WWP2: variants seen among roughly 807,000 people sequenced by gnomAD.
The protein encoded by WWP2 is WW domain containing E3 ubiquitin protein ligase 2.
In WWP2, 57 loss-of-function variants were observed where a neutral mutation model predicts 121.0. The observed-to-expected ratio is 0.47, with a 90% CI of 0.38 to 0.59. The LOEUF is 0.59. Among genes scored for constraint, WWP2 ranks in the 20% least tolerant of loss-of-function variants. The pLI, the probability that WWP2 is intolerant of heterozygous loss-of-function variation, is 0.00. For missense variants in WWP2, 962 were observed against 1,158.9 expected (o/e 0.83, Z 2.47); for synonymous variants, 449 against 441.3 (o/e 1.02, Z -0.22).
chr16:69,898,425 C>G (rs1282890087), intron 8 of WWP2, among the ~76,000 whole-genome samples: 1 of 152,148 alleles, frequency 6.6e-6, no homozygotes, highest in African/African-American at 2.4e-5. Context: ...GCCTGAGTCA[C>G]CTAACCAATT....
intron 6 of WWP2, among the ~76,000 whole-genome samples, chr16:69,865,292 C>T (rs1418300067): frequency 3.9e-5 from 6 of 152,202 alleles, no homozygotes; most frequent in Admixed American, 2.0e-4. Flanking sequence ...TCAGGTGATC[C>T]GCCTGCCTCA....
At chr16:69,797,904 A>G (rs1455441535) in intron 2 of WWP2, among the ~76,000 whole-genome samples, 1 of 148,270 alleles carries the variant, frequency 6.7e-6, no homozygotes, top group African/African-American at 2.5e-5. Context: ...AAAAAAAAAA[A>G]TTATAAATTT....
rs138285985 is a variant in WWP2, at chr16:69,842,078, G to A, written c.533G>A (p.Arg178Gln). Residue 178 changes from arginine (R) to glutamine (Q), a missense_variant, in exon 6 of 24, where the codon CGG becomes CAG. Around this residue, in one of 3 missense-constraint regions of WWP2, gnomAD observed 211 missense variants for 196.5 expected, o/e 1.07. Coordinates refer to ENST00000359154, the MANE Select transcript of WWP2 (RefSeq NM_001270454.2). ...SSGTAVAPEN[R>Q]HQPPSTNCFG... ...GGAACAGCAGTAGCTCCAGAGAACC[G>A]GCACCAGCCCCCCAGCACAAACTGC... 366 of 1,613,444 alleles carry A rather than the reference G, an allele frequency of 2.3e-4. 1 individual carries two copies. In the African/African-American group the frequency reaches 2.9e-3, roughly 13 times the overall value.
rs537628040 is a variant in WWP2, at chr16:69,941,116, A to C, written c.*1176A>C. The stretch of plus-strand genomic sequence containing the variant: ...CTGCACACAGGACATGAAAACCAGC[A>C]GAAAGGCCCTGAGCTGCTGCATAGC... On this transcript the variant is annotated 3_prime_UTR_variant, in exon 24 of 24. Coordinates refer to ENST00000359154, the MANE Select transcript of WWP2 (RefSeq NM_001270454.2). The C allele has an allele frequency of 1.3e-5, 2 of 152,468 alleles. No individual in the cohort carries two copies. The highest frequency in any genetic ancestry group is 4.8e-5 in the African/African-American group (2 of 41,584). The allele number at this position is 152,468 out of a possible 1,614,324, so 9.4% of individuals were successfully genotyped here.
Position 69,937,506 on chromosome 16 carries a change from G to A in WWP2, c.2239-42G>A, listed in dbSNP as rs539232301. The A allele has an allele frequency of 1.1e-5, 17 of 1,603,616 alleles. No homozygotes were observed. In the South Asian group the frequency reaches 1.9e-4, roughly 18 times the overall value. On this transcript the variant is annotated intron_variant, in intron 20 of 23. Transcript: ENST00000359154. The surrounding 1 kb of genome is among the most constrained non-coding windows in gnomAD (Gnocchi z 6.6). The stretch of plus-strand genomic sequence containing the variant: ...AGTGCTAGCGAGTGGACGATGCGCG[G>A]GGAGGGACCTGCCGGGGATGCTGAC...
intron 6 of WWP2, among the ~76,000 whole-genome samples, chr16:69,858,417 C>T (rs1369414339): frequency 6.6e-6 from 1 of 152,130 alleles, no homozygotes; most frequent in East Asian, 1.9e-4. Context: ...GCTCTTCATT[C>T]GCCAAAACTT....
intron 6 of WWP2, among the ~76,000 whole-genome samples, chr16:69,870,078 A>G (rs945444233): frequency 1.3e-5 from 2 of 152,194 alleles, no homozygotes; most frequent in East Asian, 3.9e-4. Flanking sequence ...CCTGTACATG[A>G]ATCTTTGCAT....
intron 4 of WWP2, among the ~76,000 whole-genome samples, chr16:69,807,462 TA>T (rs918808449): frequency 6.6e-6 from 1 of 151,654 alleles, no homozygotes; most frequent in African/African-American, 2.4e-5. Flanking sequence ...TACAAAGATT[TA>T]AAAAAATTAG....
At chr16:69,906,231 C>T (rs2058290094) in intron 8 of WWP2, among the ~76,000 whole-genome samples, 1 of 152,062 alleles carries the variant, frequency 6.6e-6, no homozygotes, top group African/African-American at 2.4e-5. Context: ...TGCCACCATG[C>T]CCAGCTATTT....
intron 8 of WWP2, among the ~76,000 whole-genome samples, chr16:69,893,879 C>T (rs2058067898): frequency 6.6e-6 from 1 of 152,066 alleles, no homozygotes; most frequent in Non-Finnish European, 1.5e-5. Flanking sequence ...AAGGATCGCT[C>T]TTCCTGCACT....
chr16:69,864,725 T>A (rs1567390270), intron 6 of WWP2, among the ~76,000 whole-genome samples: 1 of 130,096 alleles, frequency 7.7e-6, no homozygotes, highest in African/African-American at 3.1e-5. Context: ...AATTTTTGCA[T>A]TTTTTTTTTT....
rs573759284 is a variant in WWP2 at position 69,880,809 on chromosome 16, G to T, written c.704-7230G>T. Among the ~76,000 whole-genome samples, 27 of 152,288 alleles carry T rather than the reference G, an allele frequency of 1.8e-4. No individual in the cohort carries two copies. In the South Asian group the frequency reaches 5.2e-3, roughly 29 times the overall value. On this transcript the variant is annotated intron_variant, in intron 7 of 23. Coordinates refer to ENST00000359154, the MANE Select transcript of WWP2 (RefSeq NM_001270454.2). ...ACATGTTACGAGCTGATCTTCAGTA[G>T]AAAGAACTTCTGTTGTTATTGGTGC...
Position 69,925,599 on chromosome 16 carries a change from C to G in WWP2, c.1234+115C>G. On this transcript the variant is annotated intron_variant, in intron 11 of 23. Coordinates refer to ENST00000359154, the MANE Select transcript of WWP2 (RefSeq NM_001270454.2). The surrounding 1 kb of genome is among the most constrained non-coding windows in gnomAD (Gnocchi z 4.0). Reference sequence around the variant, plus strand: ...TGTCCCTCTGTTTTCCATCTCTCCCCTCTCCAGCACACTCTCTGGGCATGC... The same window carrying G: ...TGTCCCTCTGTTTTCCATCTCTCCCGTCTCCAGCACACTCTCTGGGCATGC... 6 of 1,339,144 alleles carry G rather than the reference C, an allele frequency of 4.5e-6. No homozygotes were observed. The highest frequency in any genetic ancestry group is 5.1e-6 in the Non-Finnish European group (5 of 981,184). 83.0% of individuals were successfully genotyped at this position (1,339,144 alleles called of 1,614,324 possible). A position where few individuals can be genotyped will look rare whatever the true frequency, so the allele number is the denominator to read the frequency against.
intron 6 of WWP2, among the ~76,000 whole-genome samples, chr16:69,846,729 A>G (rs2057087903): frequency 6.6e-6 from 1 of 151,912 alleles, no homozygotes; most frequent in Non-Finnish European, 1.5e-5. Context: ...CAAGAAAAAA[A>G]AAAAAAGAAA....
intron 10 of WWP2, among the ~76,000 whole-genome samples, chr16:69,919,330 T>C (rs988527953): frequency 1.3e-5 from 2 of 151,940 alleles, no homozygotes; most frequent in Non-Finnish European, 2.9e-5. Context: ...CGTGCCTGGC[T>C]AATTTTTTGT....
chr16:69,801,161 C>A (rs2056156637), intron 4 of WWP2, among the ~76,000 whole-genome samples: 2 of 145,946 alleles, frequency 1.4e-5, no homozygotes, highest in Middle Eastern at 3.4e-3. Context: ...TGCACTCCAG[C>A]CTGGGTGACA....
intron 1 of WWP2, among the ~76,000 whole-genome samples, chr16:69,773,729 A>C (rs556143569): frequency 6.6e-6 from 1 of 152,136 alleles, no homozygotes; most frequent in South Asian, 2.1e-4. Context: ...CAGTCTGCCC[A>C]CATCAGCCTC....
chr16:69,826,938 C>CAAAAA lies in WWP2; in HGVS notation c.341-13176_341-13172dup, dbSNP rs542288952. 3.2e-4 allele frequency among the ~76,000 whole-genome samples: 27 copies of CAAAAA among 85,192 alleles called. 1 individual carries two copies. Among genetic ancestry groups the CAAAAA allele is most frequent in the Admixed American group, 1.4e-3 (9 of 6,256 alleles). The allele number at this position is 85,192 out of a possible 152,430, so 55.9% of individuals were successfully genotyped here. A position where few individuals can be genotyped will look rare whatever the true frequency, so the allele number is the denominator to read the frequency against. The stretch of plus-strand genomic sequence containing the variant: ...TGGGTGACAGAGCGAGACTCCACCT[C>CAAAAA]AAAAAAAAAAAAAAAAGGGGGGGGG... On this transcript the variant is annotated intron_variant, in intron 4 of 23. Transcript: ENST00000359154.
chr16:69,798,734 C>T lies in WWP2; in HGVS notation c.123C>T (p.Tyr41=), dbSNP rs146659547. The T allele has an allele frequency of 3.0e-5, 48 of 1,614,060 alleles. No homozygotes were observed. Among genetic ancestry groups the T allele is most frequent in the Non-Finnish European group, 4.0e-5 (47 of 1,180,020 alleles). The change falls in exon 3 of 24, where the codon TAC becomes TAT. Residue 41 remains tyrosine, a synonymous_variant. Transcript: ENST00000359154. ...ATCGTCAACCTCGAATTAACTCCTA[C>T]GTGGAGGTGGCGGTGGATGGACTCC... ...VHNRQPRINS[Y]VEVAVDGLPS...
Sources: allele counts gnomAD v4.1 joint callset (sites outside exome capture counted in the v4.1 genomes callset), GRCh38; gene constraint gnomAD v4.1.1; regional missense constraint gnomAD v4.1.1; non-coding constraint Gnocchi (gnomAD v3.1); transcripts MANE v1.5; gene names NCBI Gene and HGNC (gene_info 2026-07-23, HGNC 2026-07-21).